BEND7: variants seen among roughly 807,000 people sequenced by gnomAD.
BEND7 encodes the protein BEN domain-containing protein 7.
In BEND7, 28 loss-of-function variants were observed where a neutral mutation model predicts 50.9. That is an observed-to-expected ratio of 0.55 (90% confidence interval 0.41 to 0.75). The LOEUF (loss-of-function observed/expected upper bound fraction) is 0.75. Ranked by LOEUF, BEND7 falls within the 30% of genes least tolerant of loss-of-function variation. The pLI is 0.00. For missense variants in BEND7, 477 were observed against 491.3 expected, an observed-to-expected ratio of 0.97 and a Z score of 0.28; for synonymous variants, 170 against 183.9, an observed-to-expected ratio of 0.92 and a Z score of 0.61.
Position 13,492,809 on chromosome 10 carries a change from T to C in BEND7, c.639A>G (p.Arg213=), listed in dbSNP as rs777328685. The part of the protein sequence containing the change: ...LICSQRTAVS[R]KRNKKKKVPP... ...GCACTTTTTTCTTTTTATTTCTCTT[T>C]CGTGAGACAGCAGTTCGCTGGGAGC... Residue 213 remains arginine (R), a synonymous_variant, in exon 5 of 9, where the codon CGA becomes CGG. Coordinates refer to ENST00000466271, the MANE Select transcript of BEND7 (RefSeq NM_001369863.1). 3.7e-6 allele frequency: 6 copies of C among 1,608,544 alleles called. No individual in the cohort carries two copies. Among genetic ancestry groups the C allele is most frequent in the African/African-American group, 1.3e-5 (1 of 74,196 alleles).
intron 6 of BEND7, among the ~76,000 whole-genome samples, chr10:13,473,370 C>T (rs569791004): frequency 1.0e-4 from 15 of 149,760 alleles, no homozygotes; most frequent in South Asian, 6.4e-4. Context: ...ATATCGTCAT[C>T]GCTGTGAGAC....
In BEND7 at chr10:13,499,991, T is replaced by G; in HGVS notation, c.235A>C (p.Lys79Gln). 6.2e-7 allele frequency: 1 copy of G among 1,614,190 alleles called. No homozygotes were observed. The highest frequency in any genetic ancestry group is 8.5e-7 in the Non-Finnish European group (1 of 1,180,024). ...STGRIYQRVGKEGEKLKEEPQ... is the reference protein window; with the variant it reads ...STGRIYQRVGQEGEKLKEEPQ... ...TCTTCTTTTAGTTTCTCTCCTTCTTTGCCAACTCGCTGATAGATCCGCCCA... is the reference window on the plus strand; with the variant it reads ...TCTTCTTTTAGTTTCTCTCCTTCTTGGCCAACTCGCTGATAGATCCGCCCA... The change falls in exon 3 of 9, where the codon AAA becomes CAA. Residue 79 changes from lysine (K) to glutamine (Q), a missense_variant. By Grantham distance (53) the Lys-to-Gln change is moderately conservative. Coordinates refer to ENST00000466271, the MANE Select transcript of BEND7 (RefSeq NM_001369863.1).
chr10:13,491,305 T>G (rs2076640409), intron 5 of BEND7, among the ~76,000 whole-genome samples: 1 of 139,678 alleles, frequency 7.2e-6, no homozygotes, highest in Non-Finnish European at 1.5e-5. Context: ...ACAGCGAGAC[T>G]CTGTCTAAAA....
intron 1 of BEND7, among the ~76,000 whole-genome samples, chr10:13,526,957 T>C (rs1238080217): frequency 6.6e-6 from 1 of 152,226 alleles, no homozygotes; most frequent in Non-Finnish European, 1.5e-5. Flanking sequence ...GGCTACTGCA[T>C]TTTTGCTTCT....
chr10:13,481,840 T>C (rs1169228182), intron 5 of BEND7, among the ~76,000 whole-genome samples: 3 of 152,226 alleles, frequency 2.0e-5, no homozygotes, highest in African/African-American at 7.2e-5. Flanking sequence ...GGCAGGGACA[T>C]CCTGACTGGG....
At chr10:13,447,536 C>CTTTTTT (rs11346528) in intron 7 of BEND7, among the ~76,000 whole-genome samples, 72 of 86,090 alleles carry the variant, frequency 8.4e-4, no homozygotes, top group Non-Finnish European at 1.0e-3. Flanking sequence ...CGTATTAAAA[C>CTTTTTT]TTTTTTTTTT....
intron 6 of BEND7, among the ~76,000 whole-genome samples, chr10:13,457,956 T>C (rs1839359705): frequency 6.6e-6 from 1 of 152,204 alleles, no homozygotes; most frequent in African/African-American, 2.4e-5. Context: ...TTTTAATATA[T>C]GAAGAAGCAG....
At chr10:13,529,157 C>T (rs921189051), upstream of BEND7, among the ~76,000 whole-genome samples, 21 of 144,452 alleles carry the variant, frequency 1.5e-4, no homozygotes, top group Non-Finnish European at 3.1e-4. Context: ...GGCCTGGCCG[C>T]GCGGCGCCCC....
intron 2 of BEND7, among the ~76,000 whole-genome samples, chr10:13,515,186 G>A (rs1292478128): frequency 6.6e-6 from 1 of 152,140 alleles, no homozygotes; most frequent in Admixed American, 6.5e-5. Flanking sequence ...TTACATTTCA[G>A]CTCAAGTTTA....
At chr10:13,454,415 T>C (rs955826807) in intron 6 of BEND7, among the ~76,000 whole-genome samples, 9 of 151,528 alleles carry the variant, frequency 5.9e-5, no homozygotes, top group African/African-American at 2.2e-4. Flanking sequence ...GAGACCAGCC[T>C]GGGCAATACA....
chr10:13,496,651 G>T, intron 4 of BEND7, 115 bp downstream of exon 4: 3 of 1,256,446 alleles, frequency 2.4e-6, no homozygotes, highest in East Asian at 2.5e-5. Context: ...AAAAGGCACA[G>T]CAAGACAGCA....
At chr10:13,451,204 T>C (rs1380034347) in intron 7 of BEND7, among the ~76,000 whole-genome samples, 1 of 151,102 alleles carries the variant, frequency 6.6e-6, no homozygotes, top group Non-Finnish European at 1.5e-5. Context: ...TTTTTTTTTT[T>C]AAAGAAACAG....
At position 13,526,151 on chromosome 10, in the gene BEND7, C is replaced by G. The variant is rs1479711879; in HGVS notation, c.132G>C (p.Gln44His). The change falls in exon 2 of 9, where the codon CAG (glutamine) becomes CAC (histidine). Residue 44 changes from glutamine to histidine, a missense_variant. By Grantham distance (24) the Gln-to-His change is conservative. Coordinates refer to ENST00000466271, the MANE Select transcript of BEND7 (RefSeq NM_001369863.1). The stretch of plus-strand genomic sequence containing the variant: ...ATAGGAACCTACCTAAAAAAATGGG[C>G]TGTGTCTCTTTGGCCTCCCCATTAA... ...NDVNGEAKET[Q>H]PIFLGDESME... The G allele has an allele frequency of 1.6e-6, 2 of 1,288,330 alleles. No individual in the cohort carries two copies. The highest frequency in any genetic ancestry group is 4.6e-5 in the Admixed American group (2 of 43,436). The allele number at this position is 1,288,330 out of a possible 1,614,324, so 79.8% of individuals were successfully genotyped here.
chr10:13,495,606 G>A (rs2076970161), intron 4 of BEND7, among the ~76,000 whole-genome samples: 1 of 152,216 alleles, frequency 6.6e-6, no homozygotes, highest in Non-Finnish European at 1.5e-5. Flanking sequence ...AGGTTTCGGT[G>A]AGCCGAGATC....
At chr10:13,510,842 T>C (rs1446740722) in intron 2 of BEND7, among the ~76,000 whole-genome samples, 1 of 151,866 alleles carries the variant, frequency 6.6e-6, no homozygotes, top group Non-Finnish European at 1.5e-5. Context: ...TTGGTAATAG[T>C]GGTTATCACT....
intron 2 of BEND7, 31 bp from the exon 3 acceptor site, chr10:13,500,111 T>C: frequency 6.7e-7 from 1 of 1,488,696 alleles, no homozygotes; most frequent in Non-Finnish European, 9.1e-7. Context: ...GTTAGCACTC[T>C]AAATTAGTGA....
intron 6 of BEND7, among the ~76,000 whole-genome samples, chr10:13,458,132 ATCCG>A (rs1447426304): frequency 2.0e-5 from 3 of 152,254 alleles, no homozygotes; most frequent in African/African-American, 7.2e-5. Context: ...GCTCAATCTG[ATCCG>A]TCCATGAATA....
chr10:13,483,939 A>G (rs1354767887), intron 5 of BEND7, among the ~76,000 whole-genome samples: 2 of 152,184 alleles, frequency 1.3e-5, no homozygotes, highest in African/African-American at 2.4e-5. Context: ...GGTATCTGCC[A>G]CAACTCCTAA....
chr10:13,450,100 T>C (rs1287713631), intron 7 of BEND7, among the ~76,000 whole-genome samples: 17 of 152,268 alleles, frequency 1.1e-4, no homozygotes, highest in Non-Finnish European at 2.4e-4. Context: ...ACTGGAGCTA[T>C]AGAATAAAAA....
Sources: gnomAD v4.1 joint callset for allele counts (sites outside exome capture counted in the v4.1 genomes callset) on GRCh38, gnomAD v4.1.1 for gene constraint, MANE v1.5 for transcripts, NCBI Gene and HGNC (gene_info 2026-07-23, HGNC 2026-07-21) for gene names.